FRMD4A: variants seen among roughly 807,000 people sequenced by gnomAD.
FRMD4A encodes the protein FERM domain-containing protein 4A.
A neutral mutation model predicts 129.1 loss-of-function variants in FRMD4A; 29 were observed. The observed-to-expected ratio is 0.22, with a 90% CI of 0.17 to 0.31. The LOEUF (loss-of-function observed/expected upper bound fraction) is 0.31. FRMD4A is among the 10% of genes least tolerant of loss of function. FRMD4A has a pLI of 1.00. For synonymous variants in FRMD4A, 634 were observed against 571.6 expected (o/e 1.11, Z -1.56); for missense variants, 1,272 against 1,375.8 (o/e 0.92, Z 1.19).
chr10:14,209,470 G>A (rs1842876018), intron 2 of FRMD4A, among the ~76,000 whole-genome samples: 1 of 152,110 alleles, frequency 6.6e-6, no homozygotes, highest in African/African-American at 2.4e-5. Flanking sequence ...AAAGTGGTGG[G>A]CATGGTGGCT....
intron 2 of FRMD4A, among the ~76,000 whole-genome samples, chr10:14,089,630 C>CAAAAAAA (rs59553317): frequency 7.6e-6 from 1 of 130,808 alleles, no homozygotes; most frequent in African/African-American, 3.0e-5. Context: ...AAAAAAAAAA[C>CAAAAAAA]AAAAAAAAAC....
chr10:13,963,792 T>C (rs1158850077), intron 2 of FRMD4A, among the ~76,000 whole-genome samples: 2 of 152,184 alleles, frequency 1.3e-5, no homozygotes, highest in Admixed American at 1.3e-4. Context: ...ATAGAGTGTG[T>C]GAGAAATTCA....
intron 10 of FRMD4A, 113 bp from the exon 11 acceptor site, chr10:13,740,364 C>T (rs185672514): frequency 1.1e-4 from 104 of 904,714 alleles, no homozygotes; most frequent in East Asian, 7.3e-4. Context: ...ATAAAGTTCT[C>T]GGAGTGATTA....
chr10:13,707,273 T>TAC (rs1175253259), intron 12 of FRMD4A, 160 bp from the exon 13 acceptor site: 45 of 737,236 alleles, frequency 6.1e-5, no homozygotes, highest in African/African-American at 1.1e-4. Context: ...CACACACACA[T>TAC]ACACACACAC....
intron 12 of FRMD4A, among the ~76,000 whole-genome samples, chr10:13,718,255 A>C (rs1214990346): frequency 6.6e-6 from 1 of 152,240 alleles, no homozygotes; most frequent in Non-Finnish European, 1.5e-5. Context: ...GTGAGCAGGC[A>C]TCAGGCCAGG....
rs111646806 is a variant in FRMD4A at position 13,646,221 on chromosome 10, T to C, written c.*817A>G. 2.6e-5 allele frequency: 4 copies of C among 152,784 alleles called. No individual in the cohort carries two copies. The highest frequency in any genetic ancestry group is 4.8e-5 in the African/African-American group (2 of 41,576). 9.5% of individuals were successfully genotyped at this position (152,784 alleles called of 1,614,324 possible). ...GCTAGAGAGAGGACACCAGTTTACA[T>C]AGGGTTGACTTTCACTTGTGTGTAG... On this transcript the variant is annotated 3_prime_UTR_variant, in exon 25 of 25. Coordinates refer to ENST00000357447, the MANE Select transcript of FRMD4A (RefSeq NM_018027.5).
At chr10:13,776,397 C>T (rs1047740581) in intron 6 of FRMD4A, among the ~76,000 whole-genome samples, 4 of 152,192 alleles carry the variant, frequency 2.6e-5, no homozygotes, top group African/African-American at 9.7e-5. Context: ...AGGTGTGAAC[C>T]ACTGTGCCTG....
intron 2 of FRMD4A, among the ~76,000 whole-genome samples, chr10:14,236,294 GCT>G (rs1315071903): frequency 2.0e-5 from 3 of 152,238 alleles, no homozygotes; most frequent in Admixed American, 2.0e-4. Flanking sequence ...TGGATGAAGA[GCT>G]CTTGGTTGTA....
chr10:13,919,161 T>C (rs553565553), intron 2 of FRMD4A, among the ~76,000 whole-genome samples: 1 of 152,212 alleles, frequency 6.6e-6, no homozygotes, highest in Admixed American at 6.5e-5. Context: ...ACAGTTGATG[T>C]GTAGGAAAAA....
chr10:14,224,482 C>T (rs1040416499), intron 2 of FRMD4A, among the ~76,000 whole-genome samples: 1 of 152,316 alleles, frequency 6.6e-6, no homozygotes, highest in South Asian at 2.1e-4. Context: ...GGCAGAAAGA[C>T]TTTGGTCCCA....
At chr10:14,146,541 G>A (rs72778609) in intron 2 of FRMD4A, among the ~76,000 whole-genome samples, 192 of 152,216 alleles carry the variant, frequency 1.3e-3, no homozygotes, top group Non-Finnish European at 2.2e-3. Context: ...TAACCAACAC[G>A]TGAAGGGAAA....
Position 13,686,546 on chromosome 10 carries a change from C to T in FRMD4A, c.1117+7352G>A, listed in dbSNP as rs534163110. Reference sequence around the variant, plus strand: ...GGACGGATCCCAGGCAATGCCAGGCCCATGTTTAGCACAACCTGTTTTCTC... The same window carrying T: ...GGACGGATCCCAGGCAATGCCAGGCTCATGTTTAGCACAACCTGTTTTCTC... On this transcript the variant is annotated intron_variant, in intron 15 of 24. Transcript: ENST00000357447. Among the ~76,000 whole-genome samples the T allele has an allele frequency of 2.0e-5, 3 of 152,282 alleles. No homozygotes were observed. In the South Asian group the frequency reaches 6.2e-4, roughly 32 times the overall value.
intron 14 of FRMD4A, 84 bp downstream of exon 14, chr10:13,701,256 G>A (rs187121312): frequency 2.2e-5 from 29 of 1,303,706 alleles, no homozygotes; most frequent in African/African-American, 1.6e-4. Context: ...GGGACATGGC[G>A]CCTCCCCCAC....
chr10:14,111,267 T>C (rs1346011149), intron 2 of FRMD4A, among the ~76,000 whole-genome samples: 1 of 152,226 alleles, frequency 6.6e-6, no homozygotes, highest in East Asian at 1.9e-4. Flanking sequence ...TTATTTCACT[T>C]AGCATAATGT....
intron 2 of FRMD4A, among the ~76,000 whole-genome samples, chr10:14,185,722 G>A (rs575933672): frequency 5.9e-5 from 9 of 152,200 alleles, no homozygotes; most frequent in African/African-American, 1.2e-4. Context: ...AGTAGTTCTA[G>A]AGAGAAGGGA....
intron 2 of FRMD4A, among the ~76,000 whole-genome samples, chr10:14,181,027 G>A (rs889729411): frequency 6.6e-6 from 1 of 152,184 alleles, no homozygotes; most frequent in Admixed American, 6.5e-5. Flanking sequence ...ATTTTCTAAA[G>A]AACAGCAATT....
chr10:13,653,487 T>TC (rs2081858792), intron 23 of FRMD4A: 1 of 152,230 alleles, frequency 6.6e-6, no homozygotes, highest in African/African-American at 2.4e-5. Context: ...AGAGTGAGAC[T>TC]CCGTCTCAAA....
intron 2 of FRMD4A, among the ~76,000 whole-genome samples, chr10:14,195,348 A>T (rs540465582): frequency 6.6e-6 from 1 of 152,192 alleles, no homozygotes; most frequent in South Asian, 2.1e-4. Flanking sequence ...GAATAAAACC[A>T]TACCTAGGAG....
At chr10:13,733,851 T>C (rs888165886) in intron 12 of FRMD4A, among the ~76,000 whole-genome samples, 2 of 152,198 alleles carry the variant, frequency 1.3e-5, no homozygotes, top group African/African-American at 2.4e-5. Flanking sequence ...ATCGTCGTGA[T>C]TGGGAAATGA....
Sources: gnomAD v4.1 joint callset for allele counts (sites outside exome capture counted in the v4.1 genomes callset) on GRCh38, gnomAD v4.1.1 for gene constraint, MANE v1.5 for transcripts, NCBI Gene and HGNC (gene_info 2026-07-23, HGNC 2026-07-21) for gene names.